Variants in ASPHD2 observed in about 807,000 individuals in gnomAD.
ASPHD2 encodes aspartate beta-hydroxylase domain containing 2, also known as aspartate beta-hydroxylase domain-containing protein 2.
A neutral mutation model predicts 34.6 loss-of-function variants in ASPHD2; 12 were observed. The ratio of observed to expected loss-of-function variants is 0.35; its 90% CI spans 0.22 to 0.56. The LOEUF (loss-of-function observed/expected upper bound fraction) is 0.56, where lower values mean the gene tolerates loss of function less well. ASPHD2 is among the 20% of genes least tolerant of loss of function. The probability of loss-of-function intolerance (pLI) is 0.87; values close to 1 mark genes in which losing one functional copy is unlikely to be tolerated. For synonymous variants in ASPHD2, 224 were observed against 212.2 expected (o/e 1.06, Z -0.48); for missense variants, 375 against 505.0 (o/e 0.74, Z 2.47).
intron 2 of ASPHD2, among the ~76,000 whole-genome samples, chr22:26,438,610 T>TATATATATACACACATATATATAC (rs2084814452): frequency 8.5e-5 from 4 of 47,016 alleles, no homozygotes; most frequent in African/African-American, 2.4e-4. Context: ...CATATATACA[T>TATATATATACACACATATATATAC]ATATATATAC....
intron 2 of ASPHD2, 82 bp from the exon 3 acceptor site, chr22:26,442,377 A>G (rs535197352): frequency 1.9e-6 from 2 of 1,065,372 alleles, no homozygotes; most frequent in East Asian, 2.5e-5. Flanking sequence ...AAAAACTCTC[A>G]GTAAGGCAAA....
At chr22:26,441,564 CA>C (rs2084840306) in intron 2 of ASPHD2, among the ~76,000 whole-genome samples, 1 of 145,600 alleles carries the variant, frequency 6.9e-6, no homozygotes, top group Non-Finnish European at 1.5e-5. Context: ...CTGAGGCAAG[CA>C]AATCTCTTGA....
rs1350753539 is a variant in ASPHD2 at position 26,444,152 on chromosome 22, A to G, written c.*946A>G. On this transcript the variant is annotated 3_prime_UTR_variant, in exon 4 of 4. Transcript: ENST00000215906. ...GCGCTCACCCAGCGACATTTGGGGA[A>G]AGCCTTTCTCTGGCAAAACTGGAAT... 3 of 151,946 alleles carry G rather than the reference A, an allele frequency of 2.0e-5. No individual in the cohort carries two copies. The allele number at this position is 151,946 out of a possible 1,614,324, so 9.4% of individuals were successfully genotyped here.
intron 2 of ASPHD2, among the ~76,000 whole-genome samples, chr22:26,434,743 CAG>C (rs1173097292): frequency 6.6e-6 from 1 of 152,220 alleles, no homozygotes; most frequent in African/African-American, 2.4e-5. Context: ...TCTGCAGTGA[CAG>C]AAATGTTCTC....
chr22:26,438,678 T>TACAC (rs368493487), intron 2 of ASPHD2, among the ~76,000 whole-genome samples: 5 of 129,602 alleles, frequency 3.9e-5, no homozygotes, highest in African/African-American at 5.4e-5. Context: ...CATACATACA[T>TACAC]ACACACACAC....
At chr22:26,442,378 G>A in intron 2 of ASPHD2, 81 bp from the exon 3 acceptor site, 1 of 1,082,548 alleles carries the variant, frequency 9.2e-7, no homozygotes, top group Non-Finnish European at 1.3e-6. Context: ...AAAACTCTCA[G>A]TAAGGCAAAT....
intron 2 of ASPHD2, among the ~76,000 whole-genome samples, chr22:26,438,480 C>CAT (rs1207280033): frequency 1.1e-5 from 1 of 87,910 alleles, no homozygotes; most frequent in African/African-American, 3.4e-5. Context: ...CATATATATA[C>CAT]ATATATATAG....
chr22:26,440,390 G>A (rs2084828432), intron 2 of ASPHD2, among the ~76,000 whole-genome samples: 3 of 152,122 alleles, frequency 2.0e-5, no homozygotes, highest in African/African-American at 7.2e-5. Context: ...GGAGTGCGGT[G>A]ATGCAATCTC....
At chr22:26,434,576 AGCTCAAATGGTCAGAATTGC>A (rs2084779352) in intron 2 of ASPHD2, 75 bp downstream of exon 2, 1 of 1,471,856 alleles carries the variant, frequency 6.8e-7, no homozygotes. Context: ...ACATCGCGAA[AGCTCAAATGGTCAGAATTGC>A]GCCTTTTCGC....
rs1222393476 is a variant in ASPHD2 at position 26,429,475 on chromosome 22, G to C, written c.-236G>C. 1.3e-5 allele frequency: 2 copies of C among 149,672 alleles called. No homozygotes were observed. Among genetic ancestry groups the C allele is most frequent in the African/African-American group, 2.4e-5 (1 of 41,030 alleles). The allele number at this position is 149,672 out of a possible 1,614,324, so 9.3% of individuals were successfully genotyped here. ...CCTGGGTCCCGGCAGCCGTCCGCGC[G>C]CCCGGGCGCAGGTAAGCTTCGTCTC... On this transcript the variant is annotated 5_prime_UTR_variant, in exon 1 of 4. Coordinates refer to ENST00000215906, the MANE Select transcript of ASPHD2 (RefSeq NM_020437.5). This position sits in a 1 kb window ranked among gnomAD's most constrained non-coding sequence, Gnocchi z 4.5.
chr22:26,438,582 CATACAT>C (rs2084813157), intron 2 of ASPHD2, among the ~76,000 whole-genome samples: 2 of 137,740 alleles, frequency 1.5e-5, no homozygotes, highest in Admixed American at 7.7e-5. Flanking sequence ...CATATATATA[CATACAT>C]ATATATACAC....
chr22:26,431,668 TG>T (rs973503593), intron 1 of ASPHD2, among the ~76,000 whole-genome samples: 5 of 152,186 alleles, frequency 3.3e-5, no homozygotes, highest in African/African-American at 9.7e-5. Context: ...ACTCAATACA[TG>T]AGGCAACAAG....
At chr22:26,435,996 T>C (rs967643720) in intron 2 of ASPHD2, among the ~76,000 whole-genome samples, 2 of 152,206 alleles carry the variant, frequency 1.3e-5, no homozygotes, top group Admixed American at 6.5e-5. Context: ...ACATGGCCCC[T>C]TGGCAGGATT....
intron 2 of ASPHD2, among the ~76,000 whole-genome samples, chr22:26,441,399 G>T (rs2084836763): frequency 6.7e-6 from 1 of 149,770 alleles, no homozygotes; most frequent in Admixed American, 6.7e-5. Flanking sequence ...CATCTCTAGA[G>T]CCTAGGAGGT....
chr22:26,435,495 A>G (rs2084785425), intron 2 of ASPHD2, among the ~76,000 whole-genome samples: 1 of 152,098 alleles, frequency 6.6e-6, no homozygotes, highest in African/African-American at 2.4e-5. Context: ...CTTCAGCTTC[A>G]GTAGGGAGGA....
chr22:26,440,292 CTTAT>C (rs1568984622), intron 2 of ASPHD2, among the ~76,000 whole-genome samples: 1 of 151,990 alleles, frequency 6.6e-6, no homozygotes, highest in East Asian at 1.9e-4. Context: ...AAGCATACGG[CTTAT>C]TTTTTATTTT....
At chr22:26,441,644 G>A (rs759387499) in intron 2 of ASPHD2, among the ~76,000 whole-genome samples, 3 of 151,866 alleles carry the variant, frequency 2.0e-5, no homozygotes, top group Non-Finnish European at 4.4e-5. Context: ...ACAAAAATTC[G>A]GCCAGGTGCA....
chr22:26,434,120 T>G lies in ASPHD2; in HGVS notation c.505T>G (p.Phe169Val). Residue 169 changes from phenylalanine to valine, a missense_variant, in exon 2 of 4, where the codon TTC (phenylalanine) becomes GTC (valine). Phe to Val is a conservative substitution (Grantham distance 50). Coordinates refer to ENST00000215906, the MANE Select transcript of ASPHD2 (RefSeq NM_020437.5). ...CTCCATCCAGAAGCCCGAGGTCTTCTTCCTGCCCGACCTGCCCACCACGCC... is the reference window on the plus strand; with the variant it reads ...CTCCATCCAGAAGCCCGAGGTCTTCGTCCTGCCCGACCTGCCCACCACGCC... ...RPSIQKPEVF[F>V]LPDLPTTPYF... is the part of the protein sequence containing the mutation. 6.2e-7 allele frequency: 1 copy of G among 1,612,278 alleles called. No homozygotes were observed. The highest frequency in any genetic ancestry group is 8.5e-7 in the Non-Finnish European group (1 of 1,179,400).
At position 26,433,372 on chromosome 22, in the gene ASPHD2, ATT is replaced by A; in HGVS notation, c.-224-11_-224-10del. 2.3e-6 allele frequency: 1 copy of A among 428,992 alleles called. No homozygotes were observed. The highest frequency in any genetic ancestry group is 4.3e-5 in the Admixed American group (1 of 23,498). 26.6% of individuals were successfully genotyped at this position (428,992 alleles called of 1,614,324 possible). On this transcript the variant is annotated intron_variant, in intron 1 of 3. Coordinates refer to ENST00000215906, the MANE Select transcript of ASPHD2 (RefSeq NM_020437.5). This position sits in a 1 kb window ranked among gnomAD's most constrained non-coding sequence, Gnocchi z 5.1. ...TTTTCCAGGTGTAAAATTTATGCTG[ATT>A]TTTTTTTTCCATCCCAGGTTTGGTT...
Sources: gnomAD v4.1 joint callset for allele counts (sites outside exome capture counted in the v4.1 genomes callset) on GRCh38, gnomAD v4.1.1 for gene constraint, Gnocchi (gnomAD v3.1) non-coding constraint, MANE v1.5 for transcripts, NCBI Gene and HGNC (gene_info 2026-07-23, HGNC 2026-07-21) for gene names.